PCCA: variants seen among roughly 807,000 people sequenced by gnomAD.
The protein encoded by PCCA is propionyl-CoA carboxylase subunit alpha, also known as propionyl-CoA carboxylase alpha chain, mitochondrial.
Under a neutral mutation model 101.3 loss-of-function variants are expected in PCCA, and 74 were observed. That is an observed-to-expected ratio of 0.73 (90% CI 0.61 to 0.89). The LOEUF (loss-of-function observed/expected upper bound fraction) is 0.89. Ranked by LOEUF, PCCA falls within the 40% of genes least tolerant of loss-of-function variation. PCCA has a pLI of 0.00. For missense variants in PCCA, 891 were observed against 907.0 expected (o/e 0.98, Z 0.23); for synonymous variants, 294 against 313.6 (o/e 0.94, Z 0.66).
At chr13:100,102,816 T>A (rs1431059210) in intron 1 of PCCA, 67 bp from the exon 2 acceptor site, 1 of 1,039,860 alleles carries the variant, frequency 9.6e-7, no homozygotes, top group Non-Finnish European at 1.5e-6. Flanking sequence ...CTGGAAGAAA[T>A]ATCCTGAAAA....
intron 2 of PCCA, among the ~76,000 whole-genome samples, chr13:100,106,138 G>GTT (rs879267145): frequency 2.0e-5 from 3 of 150,010 alleles, no homozygotes; most frequent in African/African-American, 7.3e-5. Flanking sequence ...GCAGAATATT[G>GTT]TTTTTTTTTG....
chr13:100,528,943 G>A (rs1205111781), intron 23 of PCCA, among the ~76,000 whole-genome samples: 1 of 152,182 alleles, frequency 6.6e-6, no homozygotes, highest in Non-Finnish European at 1.5e-5. Flanking sequence ...GCCCTGTGCG[G>A]CAGGTCTGAG....
At chr13:100,211,496 T>C (rs953411796) in intron 7 of PCCA, among the ~76,000 whole-genome samples, 1 of 152,220 alleles carries the variant, frequency 6.6e-6, no homozygotes, top group African/African-American at 2.4e-5. Context: ...TCTTGGTCAG[T>C]CCATACTTCT....
intron 4 of PCCA, among the ~76,000 whole-genome samples, chr13:100,153,834 C>T (rs2053610368): frequency 1.3e-5 from 2 of 152,092 alleles, no homozygotes; most frequent in Admixed American, 1.3e-4. Context: ...CTGAAAATCC[C>T]TTGGGCATTT....
intron 2 of PCCA, chr13:100,104,505 A>G (rs1256569595): frequency 6.6e-6 from 1 of 152,076 alleles, no homozygotes; most frequent in African/African-American, 2.4e-5. Flanking sequence ...CCTCCTTTGC[A>G]CTACTCTCCC....
chr13:100,415,226 G>A (rs2078286103), intron 19 of PCCA, among the ~76,000 whole-genome samples: 1 of 124,146 alleles, frequency 8.1e-6, no homozygotes, highest in Admixed American at 9.2e-5. Context: ...CACATAGTGA[G>A]ACCACACCTC....
At chr13:100,503,474 G>A (rs1443492392) in intron 21 of PCCA, among the ~76,000 whole-genome samples, 2 of 151,968 alleles carry the variant, frequency 1.3e-5, no homozygotes, top group African/African-American at 4.8e-5. Context: ...TGGGCAACAA[G>A]AGCGAAACTC....
At chr13:100,139,987 A>T (rs2051669767) in intron 4 of PCCA, among the ~76,000 whole-genome samples, 1 of 151,638 alleles carries the variant, frequency 6.6e-6, no homozygotes, top group African/African-American at 2.4e-5. Flanking sequence ...TCAACAACTC[A>T]TCAGTCTGGG....
At chr13:100,261,495 A>G (rs1043602441) in intron 9 of PCCA, among the ~76,000 whole-genome samples, 1 of 151,946 alleles carries the variant, frequency 6.6e-6, no homozygotes, top group Non-Finnish European at 1.5e-5. Context: ...TCTCCTGAGT[A>G]GCTGGGACTA....
intron 20 of PCCA, among the ~76,000 whole-genome samples, chr13:100,440,215 G>A (rs1268033207): frequency 2.6e-5 from 3 of 117,182 alleles, no homozygotes; most frequent in Admixed American, 1.0e-4. Context: ...TATATAAAAC[G>A]TGATAACTTA....
chr13:100,255,973 A>G (rs2062044578), intron 8 of PCCA, among the ~76,000 whole-genome samples: 1 of 152,150 alleles, frequency 6.6e-6, no homozygotes, highest in Non-Finnish European at 1.5e-5. Flanking sequence ...CCTGCCTGAA[A>G]TGTTCAAGTC....
intron 16 of PCCA, among the ~76,000 whole-genome samples, chr13:100,320,584 A>C (rs982063716): frequency 6.6e-6 from 1 of 152,130 alleles, no homozygotes; most frequent in African/African-American, 2.4e-5. Context: ...TGAGATAATC[A>C]TGTGGTTTTT....
chr13:100,141,086 T>C (rs2051811088), intron 4 of PCCA, among the ~76,000 whole-genome samples: 1 of 152,198 alleles, frequency 6.6e-6, no homozygotes, highest in Non-Finnish European at 1.5e-5. Flanking sequence ...GATGTTATTT[T>C]CTTTCCATAG....
intron 21 of PCCA, among the ~76,000 whole-genome samples, chr13:100,462,908 G>A (rs530562041): frequency 6.6e-6 from 1 of 152,286 alleles, no homozygotes; most frequent in African/African-American, 2.4e-5. Flanking sequence ...AGGGATTCTG[G>A]GGCTGAGGTG....
At chr13:100,339,690 G>C (rs2071019126) in intron 17 of PCCA, among the ~76,000 whole-genome samples, 1 of 152,152 alleles carries the variant, frequency 6.6e-6, no homozygotes, top group Non-Finnish European at 1.5e-5. Flanking sequence ...ATATTCTTTG[G>C]ATCTTCGCAC....
chr13:100,118,048 G>A (rs1229969361), intron 4 of PCCA, among the ~76,000 whole-genome samples: 1 of 151,168 alleles, frequency 6.6e-6, no homozygotes, highest in Non-Finnish European at 1.5e-5. Flanking sequence ...CCCGGGAGGC[G>A]GAGCTTGCAG....
chr13:100,137,877 A>G (rs1388150530), intron 4 of PCCA, among the ~76,000 whole-genome samples: 3 of 149,698 alleles, frequency 2.0e-5, no homozygotes, highest in Admixed American at 1.3e-4. Flanking sequence ...TGGCGCGATT[A>G]TGGCCCACTG....
intron 20 of PCCA, among the ~76,000 whole-genome samples, chr13:100,446,198 C>T (rs908940664): frequency 1.5e-4 from 23 of 152,118 alleles, no homozygotes; most frequent in African/African-American, 4.3e-4. Context: ...CCACCACGCC[C>T]GGCTACTTTT....
chr13:100,481,589 C>G (rs921684565), intron 21 of PCCA, among the ~76,000 whole-genome samples: 1 of 151,878 alleles, frequency 6.6e-6, no homozygotes, highest in African/African-American at 2.4e-5. Context: ...GCACTGAGAC[C>G]CCCTGACAGT....
Sources: allele counts gnomAD v4.1 joint callset (sites outside exome capture counted in the v4.1 genomes callset), GRCh38; gene constraint gnomAD v4.1.1; transcripts MANE v1.5; gene names NCBI Gene and HGNC (gene_info 2026-07-23, HGNC 2026-07-21).